Variants in SDC2 observed in about 807,000 individuals in gnomAD.
SDC2 encodes the protein syndecan 2.
Under a neutral mutation model 22.2 loss-of-function variants are expected in SDC2, and 13 were observed. The ratio of observed to expected loss-of-function variants is 0.59; its 90% CI spans 0.38 to 0.93. The LOEUF (loss-of-function observed/expected upper bound fraction) is 0.93. Ranked by LOEUF, SDC2 falls within the 40% of genes least tolerant of loss-of-function variation. The pLI, the probability that SDC2 is intolerant of heterozygous loss-of-function variation, is 0.00. For missense variants in SDC2, 235 were observed against 246.8 expected (o/e 0.95, Z 0.32); for synonymous variants, 94 against 92.8 (o/e 1.01, Z -0.07).
intron 1 of SDC2, among the ~76,000 whole-genome samples, chr8:96,547,395 C>T (rs974593760): frequency 2.0e-5 from 3 of 152,194 alleles, no homozygotes; most frequent in Non-Finnish European, 4.4e-5. Context: ...CTAATTATGA[C>T]TCAAGCTCAC....
chr8:96,518,758 A>G lies in SDC2; in HGVS notation c.60+24427A>G, dbSNP rs186211454. On this transcript the variant is annotated intron_variant, in intron 1 of 4. Transcript: ENST00000302190. Reference sequence around the variant, plus strand: ...TGGGAATTTAGAACTATAGGCTTTTAATTGTTCACAGCTGGTGCATGAATA... The same window carrying G: ...TGGGAATTTAGAACTATAGGCTTTTGATTGTTCACAGCTGGTGCATGAATA... 3.9e-3 allele frequency among the ~76,000 whole-genome samples: 588 copies of G among 152,262 alleles called. 5 individuals are homozygous for G. The highest frequency in any genetic ancestry group is 0.01 in the Middle Eastern group (3 of 294).
intron 1 of SDC2, among the ~76,000 whole-genome samples, chr8:96,592,636 A>G (rs1473385873): frequency 6.6e-6 from 1 of 152,166 alleles, no homozygotes; most frequent in Non-Finnish European, 1.5e-5. Flanking sequence ...GATTAGGTTG[A>G]ATTTTAATAC....
chr8:96,582,438 C>A (rs1340952060), intron 1 of SDC2, among the ~76,000 whole-genome samples: 1 of 152,134 alleles, frequency 6.6e-6, no homozygotes, highest in Non-Finnish European at 1.5e-5. Flanking sequence ...TTGGTGGTCT[C>A]GTCAGCTTTA....
intron 1 of SDC2, chr8:96,586,527 A>G (rs760872873): frequency 1.6e-4 from 24 of 152,272 alleles, no homozygotes; most frequent in African/African-American, 4.1e-4. Flanking sequence ...AACAGCCAAC[A>G]TCAGTGGCAC....
chr8:96,596,629 T>C (rs1424246319), intron 2 of SDC2, among the ~76,000 whole-genome samples: 1 of 152,076 alleles, frequency 6.6e-6, no homozygotes, highest in African/African-American at 2.4e-5. Flanking sequence ...AGGGGTGACA[T>C]AATATAGGAA....
chr8:96,513,535 A>T (rs1798386361), intron 1 of SDC2, among the ~76,000 whole-genome samples: 1 of 152,226 alleles, frequency 6.6e-6, no homozygotes, highest in African/African-American at 2.4e-5. Context: ...CATTCAATAG[A>T]ACCTTTTAGT....
intron 3 of SDC2, among the ~76,000 whole-genome samples, chr8:96,606,710 T>G (rs756707236): frequency 2.6e-5 from 4 of 152,064 alleles, no homozygotes; most frequent in Non-Finnish European, 2.9e-5. Flanking sequence ...AGCGTAACCT[T>G]GGGTGATTCA....
At chr8:96,588,479 C>T (rs540184014) in intron 1 of SDC2, among the ~76,000 whole-genome samples, 5 of 152,190 alleles carry the variant, frequency 3.3e-5, no homozygotes, top group African/African-American at 1.2e-4. Flanking sequence ...CAGTTATAGC[C>T]TTTTTGGCAC....
intron 1 of SDC2, among the ~76,000 whole-genome samples, chr8:96,584,135 A>T (rs965020325): frequency 4.6e-5 from 7 of 152,232 alleles, no homozygotes; most frequent in Admixed American, 4.6e-4. Flanking sequence ...CCAGCAGCAG[A>T]GTGTTCCATA....
At chr8:96,599,709 G>A (rs1464568680) in intron 2 of SDC2, among the ~76,000 whole-genome samples, 1 of 152,162 alleles carries the variant, frequency 6.6e-6, no homozygotes, top group Non-Finnish European at 1.5e-5. Flanking sequence ...GCTAATAAAT[G>A]CCAGAACCAG....
chr8:96,573,136 A>C (rs1396397216), intron 1 of SDC2, among the ~76,000 whole-genome samples: 1 of 152,160 alleles, frequency 6.6e-6, no homozygotes, highest in Non-Finnish European at 1.5e-5. Flanking sequence ...TGTTGTTTAC[A>C]GTTTACATGA....
At position 96,556,269 on chromosome 8, in the gene SDC2, C is replaced by G. The variant is rs115323400; in HGVS notation, c.61-37211C>G. Among the ~76,000 whole-genome samples, 11 of 152,006 alleles carry G rather than the reference C, an allele frequency of 7.2e-5. No individual in the cohort carries two copies. In the East Asian group the frequency reaches 2.1e-3, roughly 29 times the overall value. On this transcript the variant is annotated intron_variant, in intron 1 of 4. Coordinates refer to ENST00000302190, the MANE Select transcript of SDC2 (RefSeq NM_002998.4). ...GTATTATGTTTATCAGAGAATGAAACGAAACAAATTATTCCTCCTCTTTTA... is the reference window on the plus strand; with the variant it reads ...GTATTATGTTTATCAGAGAATGAAAGGAAACAAATTATTCCTCCTCTTTTA...
At chr8:96,575,579 ATTTC>A (rs1454472645) in intron 1 of SDC2, among the ~76,000 whole-genome samples, 1 of 151,910 alleles carries the variant, frequency 6.6e-6, no homozygotes, top group East Asian at 1.9e-4. Flanking sequence ...GCCACGAACA[ATTTC>A]TTTCTTTAAT....
At chr8:96,531,692 C>G (rs1386713145) in intron 1 of SDC2, among the ~76,000 whole-genome samples, 1 of 152,196 alleles carries the variant, frequency 6.6e-6, no homozygotes, top group African/African-American at 2.4e-5. Flanking sequence ...ACTATTTAAA[C>G]CCTTTAAGAA....
At chr8:96,538,656 C>T (rs1447805564) in intron 1 of SDC2, 3 of 152,216 alleles carry the variant, frequency 2.0e-5, no homozygotes, top group African/African-American at 7.2e-5. Flanking sequence ...GGACAGTTTC[C>T]ATGGCAACTT....
At chr8:96,514,486 C>T (rs375354897) in intron 1 of SDC2, among the ~76,000 whole-genome samples, 1 of 152,178 alleles carries the variant, frequency 6.6e-6, no homozygotes, top group African/African-American at 2.4e-5. Context: ...TCATGCTGGA[C>T]CTTGATCACC....
chr8:96,559,555 A>G (rs1814173680), intron 1 of SDC2, among the ~76,000 whole-genome samples: 2 of 152,352 alleles, frequency 1.3e-5, no homozygotes, highest in South Asian at 4.1e-4. Flanking sequence ...TTTGCTGCTT[A>G]TATAGCCATA....
chr8:96,560,506 A>G (rs1390421389), intron 1 of SDC2, among the ~76,000 whole-genome samples: 1 of 152,204 alleles, frequency 6.6e-6, no homozygotes. Context: ...AGTTGGTGGA[A>G]CATAATAAAA....
At chr8:96,586,738 T>G (rs1239032755) in intron 1 of SDC2, among the ~76,000 whole-genome samples, 4 of 152,232 alleles carry the variant, frequency 2.6e-5, no homozygotes, top group Admixed American at 2.6e-4. Context: ...TCTACCTTCA[T>G]GTAACCTGAT....
Sources: allele counts gnomAD v4.1 joint callset (sites outside exome capture counted in the v4.1 genomes callset), GRCh38; gene constraint gnomAD v4.1.1; transcripts MANE v1.5; gene names NCBI Gene and HGNC (gene_info 2026-07-23, HGNC 2026-07-21).